Variants in ASCC3 observed in about 807,000 individuals in gnomAD.
ASCC3 encodes ASC-1 complex subunit P200.
In ASCC3, 158 loss-of-function variants were observed where a neutral mutation model predicts 256.3. The ratio of observed to expected loss-of-function variants is 0.62; its 90% confidence interval spans 0.54 to 0.70. ASCC3 has a LOEUF of 0.70. Ranked by LOEUF, ASCC3 falls within the 30% of genes least tolerant of loss-of-function variation. The pLI, the probability that ASCC3 is intolerant of heterozygous loss-of-function variation, is 0.00. For missense variants in ASCC3, 2,259 were observed against 2,626.0 expected (o/e 0.86, Z 3.05); for synonymous variants, 948 against 883.4 (o/e 1.07, Z -1.30).
chr6:100,870,837 T>G lies in ASCC3; in HGVS notation c.-41-2799A>C, dbSNP rs558970689. 3.9e-5 allele frequency among the ~76,000 whole-genome samples: 6 copies of G among 152,160 alleles called. No homozygotes were observed. In the East Asian group the frequency reaches 1.2e-3, roughly 29 times the overall value. On this transcript the variant is annotated intron_variant, in intron 1 of 41. Coordinates refer to ENST00000369162, the MANE Select transcript of ASCC3 (RefSeq NM_006828.4). ...TCCTGGAGCATTTGGAAGAAAAAAATGAAAGCAAGAGTCAGTGGACAGCAC... is the reference window on the plus strand; with the variant it reads ...TCCTGGAGCATTTGGAAGAAAAAAAGGAAAGCAAGAGTCAGTGGACAGCAC...
At chr6:100,578,828 T>C (rs1462134817) in intron 36 of ASCC3, among the ~76,000 whole-genome samples, 3 of 152,144 alleles carry the variant, frequency 2.0e-5, no homozygotes, top group Admixed American at 2.0e-4. Flanking sequence ...TTAAGTTCTT[T>C]GAGAAATCGA....
chr6:100,762,687 C>G (rs1391555046), intron 10 of ASCC3, among the ~76,000 whole-genome samples: 2 of 152,062 alleles, frequency 1.3e-5, no homozygotes, highest in Admixed American at 6.6e-5. Flanking sequence ...TCAATAAAAT[C>G]ATAACTGCTG....
intron 34 of ASCC3, among the ~76,000 whole-genome samples, chr6:100,597,024 C>T (rs926055194): frequency 1.3e-5 from 2 of 152,164 alleles, no homozygotes; most frequent in Non-Finnish European, 2.9e-5. Context: ...CTCTCTTGTT[C>T]CCTTGGCCTG....
chr6:100,683,452 CGTGTT>C (rs1177570812), intron 13 of ASCC3, among the ~76,000 whole-genome samples: 1 of 151,960 alleles, frequency 6.6e-6, no homozygotes, highest in Admixed American at 6.5e-5. Flanking sequence ...TCCATCATGT[CGTGTT>C]AAGTAAAATA....
At chr6:100,565,089 A>C (rs551021419) in intron 36 of ASCC3, among the ~76,000 whole-genome samples, 3 of 152,330 alleles carry the variant, frequency 2.0e-5, no homozygotes, top group African/African-American at 7.2e-5. Flanking sequence ...ATCACAGTCC[A>C]ACCAAATTAG....
chr6:100,850,406 G>A (rs1231617083), intron 3 of ASCC3, among the ~76,000 whole-genome samples: 2 of 152,118 alleles, frequency 1.3e-5, no homozygotes, highest in Non-Finnish European at 2.9e-5. Context: ...TTCAAGATGA[G>A]TACAACGTTG....
chr6:100,662,959 C>T (rs1390846709), intron 14 of ASCC3, among the ~76,000 whole-genome samples: 2 of 152,080 alleles, frequency 1.3e-5, no homozygotes, highest in African/African-American at 4.8e-5. Context: ...ACCTCATCCA[C>T]ACTAGCCACA....
At chr6:100,512,506 T>C (rs1773813168) in intron 40 of ASCC3, among the ~76,000 whole-genome samples, 2 of 152,164 alleles carry the variant, frequency 1.3e-5, no homozygotes, top group Non-Finnish European at 2.9e-5. Context: ...TATATTCTTA[T>C]GTAAGGTAGA....
chr6:100,728,507 C>A (rs923787534), intron 10 of ASCC3, among the ~76,000 whole-genome samples: 1 of 151,884 alleles, frequency 6.6e-6, no homozygotes, highest in Non-Finnish European at 1.5e-5. Context: ...ATATACCCAA[C>A]AGAAACACAC....
In ASCC3 at chr6:100,652,769, C is replaced by A; in HGVS notation, c.2944G>T (p.Gly982Cys). 6.2e-7 allele frequency: 1 copy of A among 1,613,756 alleles called. No homozygotes were observed. The highest frequency in any genetic ancestry group is 8.5e-7 in the Non-Finnish European group (1 of 1,179,902). Reference protein sequence around the residue: ...RTGYFSSTDLGRTASHYYIKY... With the variant: ...RTGYFSSTDLCRTASHYYIKY... ...ATATAGTAATGGCTGGCAGTTCTAC[C>A]CAAATCAGTTGAGGAAAAATATCCA... is the stretch of plus-strand genomic sequence containing the variant. Residue 982 changes from glycine to cysteine, a missense_variant, in exon 18 of 42, where the codon GGT becomes TGT. Coordinates refer to ENST00000369162, the MANE Select transcript of ASCC3 (RefSeq NM_006828.4).
At chr6:100,802,358 C>T (rs994510004) in intron 5 of ASCC3, among the ~76,000 whole-genome samples, 2 of 151,712 alleles carry the variant, frequency 1.3e-5, no homozygotes, top group African/African-American at 2.4e-5. Flanking sequence ...CTCTCATGCT[C>T]CTGCTCCTGA....
chr6:100,554,427 A>G (rs1396512711), intron 36 of ASCC3, among the ~76,000 whole-genome samples: 1 of 152,178 alleles, frequency 6.6e-6, no homozygotes, highest in African/African-American at 2.4e-5. Context: ...ATCGCTGCCT[A>G]CACTGAACTC....
intron 4 of ASCC3, among the ~76,000 whole-genome samples, chr6:100,807,179 A>G (rs1166351953): frequency 1.3e-5 from 2 of 151,984 alleles, no homozygotes; most frequent in African/African-American, 4.8e-5. Flanking sequence ...AATATAAAAG[A>G]CATTAATTGA....
intron 25 of ASCC3, among the ~76,000 whole-genome samples, chr6:100,638,071 T>A (rs575281052): frequency 7.2e-5 from 11 of 151,962 alleles, no homozygotes; most frequent in Middle Eastern, 3.4e-3. Flanking sequence ...TACAGAAAAA[T>A]TTTTCATGAA....
chr6:100,601,045 T>C (rs1367865948), intron 34 of ASCC3, among the ~76,000 whole-genome samples: 2 of 152,050 alleles, frequency 1.3e-5, no homozygotes, highest in African/African-American at 2.4e-5. Flanking sequence ...ATTCTCTAAA[T>C]GCTTATGACT....
chr6:100,725,991 T>TAA (rs199692955), intron 10 of ASCC3, among the ~76,000 whole-genome samples: 42 of 130,012 alleles, frequency 3.2e-4, no homozygotes, highest in Non-Finnish European at 4.8e-4. Flanking sequence ...TCTTACAATG[T>TAA]AAAAAAAAAA....
chr6:100,745,121 G>T (rs185062291), intron 10 of ASCC3, among the ~76,000 whole-genome samples: 1 of 152,254 alleles, frequency 6.6e-6, no homozygotes, highest in East Asian at 1.9e-4. Flanking sequence ...AAGGTCAGGA[G>T]TTAGAGACCA....
intron 4 of ASCC3, among the ~76,000 whole-genome samples, chr6:100,811,286 T>G (rs1770456516): frequency 6.6e-6 from 1 of 152,130 alleles, no homozygotes; most frequent in African/African-American, 2.4e-5. Context: ...AAATTATAGC[T>G]CCGATAAGAT....
intron 16 of ASCC3, among the ~76,000 whole-genome samples, chr6:100,656,741 C>T (rs2114922341): frequency 6.6e-6 from 1 of 151,194 alleles, no homozygotes; most frequent in East Asian, 1.9e-4. Context: ...AACATATTTC[C>T]TTAGCCAATG....
Sources: gnomAD v4.1 joint callset for allele counts (sites outside exome capture counted in the v4.1 genomes callset) on GRCh38, gnomAD v4.1.1 for gene constraint, MANE v1.5 for transcripts, NCBI Gene and HGNC (gene_info 2026-07-23, HGNC 2026-07-21) for gene names.